The following TAFA1 variants were observed in gnomAD, a reference collection of about 807,000 sequenced individuals.
TAFA1 encodes the protein chemokine-like protein TAFA-1.
In TAFA1, 4 loss-of-function variants were observed where a neutral mutation model predicts 18.5. The observed-to-expected ratio is 0.22, with a 90% confidence interval of 0.11 to 0.49. The LOEUF (loss-of-function observed/expected upper bound fraction) is 0.49, where lower values mean the gene tolerates loss of function less well. Among genes scored for constraint, TAFA1 ranks in the 20% least tolerant of loss-of-function variants. TAFA1 has a pLI of 0.98. For synonymous variants in TAFA1, 56 were observed against 55.2 expected (o/e 1.01, Z -0.06); for missense variants, 147 against 169.0 (o/e 0.87, Z 0.72).
intron 3 of TAFA1, among the ~76,000 whole-genome samples, chr3:68,426,872 C>A (rs2071065811): frequency 6.6e-6 from 1 of 151,800 alleles, no homozygotes; most frequent in Non-Finnish European, 1.5e-5. Context: ...CTGTGGGTAT[C>A]ATCTAAGAAA....
chr3:68,262,398 T>A (rs1391656563), intron 2 of TAFA1, among the ~76,000 whole-genome samples: 72 of 140,304 alleles, frequency 5.1e-4, no homozygotes, highest in African/African-American at 1.8e-3. Flanking sequence ...GTGAGCATAG[T>A]ATCCAATAGG....
At chr3:68,050,407 C>G (rs777060094) in intron 2 of TAFA1, among the ~76,000 whole-genome samples, 1 of 152,072 alleles carries the variant, frequency 6.6e-6, no homozygotes, top group African/African-American at 2.4e-5. Context: ...GAAATAGAAG[C>G]CCTCAGGGTG....
intron 2 of TAFA1, among the ~76,000 whole-genome samples, chr3:68,157,801 G>T (rs771072616): frequency 2.0e-5 from 3 of 152,146 alleles, no homozygotes; most frequent in African/African-American, 4.8e-5. Flanking sequence ...TCAACTGCTA[G>T]GTGGATAGAC....
intron 2 of TAFA1, among the ~76,000 whole-genome samples, chr3:68,262,590 T>C (rs1166239114): frequency 2.0e-5 from 3 of 152,008 alleles, no homozygotes; most frequent in African/African-American, 4.8e-5. Flanking sequence ...AGCTCCATCA[T>C]GTTGCTGCAA....
rs528244132 is a variant in TAFA1 at position 68,481,539 on chromosome 3, C to T, written c.260-57217C>T. On this transcript the variant is annotated intron_variant, in intron 3 of 4. Transcript: ENST00000478136. ...ACCCTTTAGAGGCAGAGTTTCATTC[C>T]GAGCTAAATTCTACCCTAACTCACT... Among the ~76,000 whole-genome samples, 6 of 152,244 alleles carry T rather than the reference C, an allele frequency of 3.9e-5. No individual in the cohort carries two copies. The South Asian group carries it at 8.3e-4, about 21-fold the overall frequency.
chr3:68,508,030 G>A (rs1252502052), intron 3 of TAFA1, among the ~76,000 whole-genome samples: 1 of 152,100 alleles, frequency 6.6e-6, no homozygotes, highest in Non-Finnish European at 1.5e-5. Context: ...TTTTGTCACA[G>A]TTCTGGAGGT....
At chr3:68,138,275 A>G (rs2065630942) in intron 2 of TAFA1, among the ~76,000 whole-genome samples, 1 of 152,196 alleles carries the variant, frequency 6.6e-6, no homozygotes, top group Admixed American at 6.6e-5. Context: ...TGAAGCATTT[A>G]AGAGCTAGTG....
intron 3 of TAFA1, among the ~76,000 whole-genome samples, chr3:68,490,636 C>G (rs2072433035): frequency 6.6e-6 from 1 of 151,976 alleles, no homozygotes; most frequent in African/African-American, 2.4e-5. Flanking sequence ...ATAAGCCACT[C>G]TTCTTGCTAA....
intron 2 of TAFA1, among the ~76,000 whole-genome samples, chr3:68,334,403 G>C (rs985071728): frequency 1.3e-5 from 2 of 152,092 alleles, no homozygotes; most frequent in African/African-American, 2.4e-5. Flanking sequence ...AACAGCTTTT[G>C]AACATGTTGA....
chr3:68,483,704 G>T (rs1020414106), intron 3 of TAFA1, among the ~76,000 whole-genome samples: 2 of 152,244 alleles, frequency 1.3e-5, no homozygotes, highest in African/African-American at 4.8e-5. Flanking sequence ...AACAGATTCT[G>T]TGGGGCTGAT....
At chr3:68,080,417 T>G (rs1326032259) in intron 2 of TAFA1, among the ~76,000 whole-genome samples, 1 of 152,226 alleles carries the variant, frequency 6.6e-6, no homozygotes, top group Non-Finnish European at 1.5e-5. Context: ...CTCGATGGTC[T>G]TTACATTTTG....
chr3:68,457,679 T>C (rs1322191563), intron 3 of TAFA1, among the ~76,000 whole-genome samples: 2 of 152,192 alleles, frequency 1.3e-5, no homozygotes, highest in Non-Finnish European at 2.9e-5. Flanking sequence ...CTCTTAGCAA[T>C]TTTCAAAAAT....
intron 2 of TAFA1, among the ~76,000 whole-genome samples, chr3:68,289,016 T>C (rs1041626158): frequency 6.6e-6 from 1 of 152,186 alleles, no homozygotes; most frequent in Non-Finnish European, 1.5e-5. Context: ...TACATTTTTG[T>C]AGCATTTATT....
chr3:68,381,708 A>G (rs1023767097), intron 2 of TAFA1, among the ~76,000 whole-genome samples: 4 of 152,172 alleles, frequency 2.6e-5, no homozygotes, highest in Admixed American at 6.5e-5. Context: ...CAATCATGTC[A>G]TCTGCAAACA....
chr3:68,525,546 A>C (rs1357950307), intron 3 of TAFA1, among the ~76,000 whole-genome samples: 3 of 152,206 alleles, frequency 2.0e-5, no homozygotes, highest in Non-Finnish European at 4.4e-5. Flanking sequence ...ATAGGAAAAC[A>C]AAGCTGTTGA....
At chr3:68,413,753 G>A (rs191605481) in intron 2 of TAFA1, among the ~76,000 whole-genome samples, 1 of 152,212 alleles carries the variant, frequency 6.6e-6, no homozygotes, top group East Asian at 1.9e-4. Context: ...GGGGGCAGGG[G>A]GGTGAGGGGA....
intron 2 of TAFA1, among the ~76,000 whole-genome samples, chr3:68,258,892 G>C (rs117723882): frequency 6.6e-6 from 1 of 152,300 alleles, no homozygotes; most frequent in East Asian, 1.9e-4. Flanking sequence ...CCATTTTCAA[G>C]TCGCTACAGA....
In TAFA1 at chr3:68,417,346, C is replaced by T. The variant is rs1559660856; in HGVS notation, c.185C>T (p.Ser62Leu). The change falls in exon 3 of 5, where the codon TCA becomes TTA. Residue 62 changes from serine (S) to leucine (L), a missense_variant. Transcript: ENST00000478136. ...CCNKNRIEER[S>L]QTVKCSCLPG... Reference sequence around the variant, plus strand: ...AACAAGAATCGCATTGAGGAGCGGTCACAAACAGTAAAGTGTTCCTGTCTA... The same window carrying T: ...AACAAGAATCGCATTGAGGAGCGGTTACAAACAGTAAAGTGTTCCTGTCTA... 1.2e-5 allele frequency: 20 copies of T among 1,613,288 alleles called. No individual in the cohort carries two copies. Among genetic ancestry groups the T allele is most frequent in the Non-Finnish European group, 1.7e-5 (20 of 1,179,548 alleles).
intron 2 of TAFA1, among the ~76,000 whole-genome samples, chr3:68,037,637 A>G (rs376918881): frequency 5.9e-5 from 9 of 152,200 alleles, no homozygotes; most frequent in African/African-American, 1.2e-4. Flanking sequence ...AAATCAGCCT[A>G]TAAATATTTT....
Sources: gnomAD v4.1 joint callset for allele counts (sites outside exome capture counted in the v4.1 genomes callset) on GRCh38, gnomAD v4.1.1 for gene constraint, MANE v1.5 for transcripts, NCBI Gene and HGNC (gene_info 2026-07-23, HGNC 2026-07-21) for gene names.